The following ST6GAL1 variants were observed in gnomAD, a reference collection of about 807,000 sequenced individuals.
ST6GAL1 encodes the protein ST6 beta-galactoside alpha-2,6-sialyltransferase 1.
Under a neutral mutation model 38.0 loss-of-function variants are expected in ST6GAL1, and 20 were observed. The ratio of observed to expected loss-of-function variants is 0.53; its 90% confidence interval spans 0.37 to 0.77. ST6GAL1 has a LOEUF of 0.77. ST6GAL1 is among the 30% of genes least tolerant of loss of function. ST6GAL1 has a pLI of 0.00. For missense variants in ST6GAL1, 432 were observed against 496.4 expected (o/e 0.87, Z 1.23); for synonymous variants, 196 against 188.2 (o/e 1.04, Z -0.34).
intron 5 of ST6GAL1, among the ~76,000 whole-genome samples, chr3:187,067,150 G>A (rs571543388): frequency 8.9e-5 from 12 of 135,154 alleles, no homozygotes; most frequent in East Asian, 4.7e-4. Flanking sequence ...GCAGTGGTGC[G>A]ATCTTGGCTC....
At chr3:186,946,811 G>A (rs542152055) in intron 1 of ST6GAL1, among the ~76,000 whole-genome samples, 8 of 152,148 alleles carry the variant, frequency 5.3e-5, no homozygotes, top group Non-Finnish European at 1.2e-4. Flanking sequence ...TGGTTCCTGG[G>A]GAGTGAAGAG....
intron 1 of ST6GAL1, among the ~76,000 whole-genome samples, chr3:186,937,248 C>A (rs1027116716): frequency 5.3e-5 from 8 of 152,152 alleles, no homozygotes; most frequent in Non-Finnish European, 1.0e-4. Context: ...TGTTCGGCGT[C>A]TCCAAGGATG....
intron 2 of ST6GAL1, among the ~76,000 whole-genome samples, chr3:187,001,531 C>A (rs915469597): frequency 2.0e-5 from 3 of 152,174 alleles, no homozygotes; most frequent in African/African-American, 7.2e-5. Context: ...AAATGGCTGA[C>A]CTTTCTGGAC....
At chr3:186,949,259 G>C (rs1406472741) in intron 1 of ST6GAL1, among the ~76,000 whole-genome samples, 1 of 152,174 alleles carries the variant, frequency 6.6e-6, no homozygotes, top group Non-Finnish European at 1.5e-5. Flanking sequence ...CCAGGTGAGA[G>C]AGGGAAGAAG....
At chr3:187,017,585 G>T (rs969409413) in intron 2 of ST6GAL1, among the ~76,000 whole-genome samples, 1 of 152,086 alleles carries the variant, frequency 6.6e-6, no homozygotes, top group African/African-American at 2.4e-5. Context: ...TCTTTGTAGG[G>T]GGTCCATTTG....
In ST6GAL1 at chr3:186,976,283, A is replaced by G. The variant is rs3931705; in HGVS notation, c.-183+12357A>G. Reference sequence around the variant, plus strand: ...CCCAACCTTCCCCTCCTCCGTAAGAATTGGAAACAGAGAGTTGATAGTTGA... The same window carrying G: ...CCCAACCTTCCCCTCCTCCGTAAGAGTTGGAAACAGAGAGTTGATAGTTGA... On this transcript the variant is annotated intron_variant, in intron 2 of 7. Transcript: ENST00000169298. 7.9e-5 allele frequency among the ~76,000 whole-genome samples: 12 copies of G among 152,300 alleles called. 1 individual carries two copies. The South Asian group carries it at 2.3e-3, about 29-fold the overall frequency.
intron 1 of ST6GAL1, among the ~76,000 whole-genome samples, chr3:186,935,241 T>A (rs1713908164): frequency 6.6e-6 from 1 of 152,146 alleles, no homozygotes; most frequent in South Asian, 2.1e-4. Flanking sequence ...CTCCCACTTA[T>A]AAGTAAGAAC....
intron 1 of ST6GAL1, among the ~76,000 whole-genome samples, chr3:186,935,240 ATAAG>A (rs2108512369): frequency 6.6e-6 from 1 of 152,162 alleles, no homozygotes; most frequent in Non-Finnish European, 1.5e-5. Flanking sequence ...GCTCCCACTT[ATAAG>A]TAAGAACATG....
chr3:187,015,213 C>T (rs937884466), intron 2 of ST6GAL1, among the ~76,000 whole-genome samples: 1 of 152,202 alleles, frequency 6.6e-6, no homozygotes, highest in African/African-American at 2.4e-5. Context: ...GGACTGGCCC[C>T]TGTGTGCTTC....
intron 2 of ST6GAL1, among the ~76,000 whole-genome samples, chr3:187,037,497 A>G (rs1398393309): frequency 6.6e-6 from 1 of 152,178 alleles, no homozygotes; most frequent in East Asian, 1.9e-4. Flanking sequence ...TTGCAACTGA[A>G]TGTATTAAAC....
intron 1 of ST6GAL1, among the ~76,000 whole-genome samples, chr3:186,953,394 C>T (rs1007303763): frequency 2.0e-5 from 3 of 152,168 alleles, no homozygotes; most frequent in Non-Finnish European, 4.4e-5. Flanking sequence ...TTCCTCCAGG[C>T]AGGACACCTT....
chr3:186,943,330 T>C (rs1289710970), intron 1 of ST6GAL1, among the ~76,000 whole-genome samples: 1 of 152,230 alleles, frequency 6.6e-6, no homozygotes, highest in East Asian at 1.9e-4. Context: ...CAGGTTGATA[T>C]TCCTGGAGAG....
chr3:187,000,020 G>A (rs886722697), intron 2 of ST6GAL1, among the ~76,000 whole-genome samples: 24 of 151,940 alleles, frequency 1.6e-4, no homozygotes, highest in African/African-American at 4.4e-4. Context: ...GAACATTTTT[G>A]TAGAGTATGT....
At chr3:186,948,931 C>A (rs981816816) in intron 1 of ST6GAL1, 3 of 152,240 alleles carry the variant, frequency 2.0e-5, no homozygotes, top group Non-Finnish European at 2.9e-5. Context: ...TCCTGTTTGT[C>A]CACTGAGGTA....
chr3:186,989,545 G>T (rs1716079716), intron 2 of ST6GAL1, among the ~76,000 whole-genome samples: 1 of 152,118 alleles, frequency 6.6e-6, no homozygotes, highest in Admixed American at 6.5e-5. Flanking sequence ...TAGCTGTGAT[G>T]GTGTGTTGCT....
At chr3:186,973,283 G>A (rs963696263) in intron 2 of ST6GAL1, among the ~76,000 whole-genome samples, 39 of 152,248 alleles carry the variant, frequency 2.6e-4, no homozygotes, top group Non-Finnish European at 3.4e-4. Flanking sequence ...TGATCTGCCC[G>A]TCTTGGCCTT....
At chr3:186,967,337 G>GC (rs1553819164) in intron 2 of ST6GAL1, among the ~76,000 whole-genome samples, 2 of 149,338 alleles carry the variant, frequency 1.3e-5, no homozygotes, top group Admixed American at 1.3e-4. Context: ...GATTACAGGC[G>GC]CCTGCCACCA....
chr3:187,072,728 C>T, intron 5 of ST6GAL1, 121 bp from the exon 6 acceptor site: 1 of 849,958 alleles, frequency 1.2e-6, no homozygotes, highest in Non-Finnish European at 2.0e-6. Context: ...TGCACCAGAA[C>T]TTAGAAGCCT....
intron 2 of ST6GAL1, among the ~76,000 whole-genome samples, chr3:186,983,427 G>A (rs1022977372): frequency 1.3e-4 from 20 of 152,154 alleles, no homozygotes; most frequent in Admixed American, 6.6e-5. Context: ...TATTCTGAGA[G>A]TAGAAAATAG....
Sources: gnomAD v4.1 joint callset for allele counts (sites outside exome capture counted in the v4.1 genomes callset) on GRCh38, gnomAD v4.1.1 for gene constraint, MANE v1.5 for transcripts, NCBI Gene and HGNC (gene_info 2026-07-23, HGNC 2026-07-21) for gene names.